Variants in RALGDS observed in about 807,000 individuals in gnomAD.
The protein encoded by RALGDS is ral guanine nucleotide dissociation stimulator.
A neutral mutation model predicts 99.8 loss-of-function variants in RALGDS; 44 were observed. The ratio of observed to expected loss-of-function variants is 0.44; its 90% CI spans 0.35 to 0.57. The LOEUF (loss-of-function observed/expected upper bound fraction) is 0.57. RALGDS is among the 20% of genes least tolerant of loss of function. RALGDS has a pLI of 0.01. For missense variants in RALGDS, 1,022 were observed against 1,203.1 expected (o/e 0.85, Z 2.23); for synonymous variants, 529 against 505.0 (o/e 1.05, Z -0.64).
chr9:133,136,318 G>T (rs533688829), intron 1 of RALGDS, among the ~76,000 whole-genome samples: 2 of 152,362 alleles, frequency 1.3e-5, no homozygotes, highest in South Asian at 2.1e-4. Context: ...GGCAGCGCGG[G>T]TATGGATGGA....
chr9:133,110,135 A>C (rs73662453), intron 3 of RALGDS, among the ~76,000 whole-genome samples, 161 bp downstream of exon 3: 13,604 of 152,244 alleles, frequency 0.089, 1,993 homozygotes, highest in African/African-American at 0.31. Context: ...CCGCCCAGGC[A>C]TGGTGACAAC....
At chr9:133,120,938 C>T (rs761939066) in intron 1 of RALGDS, 34 bp downstream of exon 1, 3 of 1,467,640 alleles carry the variant, frequency 2.0e-6, no homozygotes, top group South Asian at 1.3e-5. Flanking sequence ...GAGGCTCCGA[C>T]GCACCCCCCG....
chr9:133,102,479 C>T lies in RALGDS; in HGVS notation c.2006G>A (p.Ser669Asn). Residue 669 changes from serine (S) to asparagine (N), a missense_variant, in exon 14 of 18, where the codon AGC (serine) becomes AAC (asparagine). Physicochemically the swap from Ser to Asn is conservative, Grantham distance 46 (BLOSUM62 1). This residue lies in a region of RALGDS where 825 missense variants were observed against 994.5 expected (regional missense o/e 0.83). Coordinates refer to ENST00000372050, the MANE Select transcript of RALGDS (RefSeq NM_006266.4). ...KKNTAIVKRW[S>N]DRQAPSTELS... Reference sequence around the variant, plus strand: ...CCACCCTTGGCCAGGCCCTTACTCGCTCCAGCGCTTGACAATGGCTGTGTT... The same window carrying T: ...CCACCCTTGGCCAGGCCCTTACTCGTTCCAGCGCTTGACAATGGCTGTGTT... 1 of 1,614,056 alleles carries T rather than the reference C, an allele frequency of 6.2e-7. No individual in the cohort carries two copies. The highest frequency in any genetic ancestry group is 8.5e-7 in the Non-Finnish European group (1 of 1,179,986).
At chr9:133,107,376 T>C in intron 6 of RALGDS, 76 bp from the exon 7 acceptor site, 2 of 1,318,074 alleles carry the variant, frequency 1.5e-6, no homozygotes, top group South Asian at 2.5e-5. Flanking sequence ...AGGATGCAGC[T>C]TGAGCCTTGT....
At chr9:133,130,116 C>T (rs1465293937) in intron 1 of RALGDS, among the ~76,000 whole-genome samples, 9 of 152,298 alleles carry the variant, frequency 5.9e-5, no homozygotes, top group Admixed American at 3.3e-4. Flanking sequence ...GGACTACAGG[C>T]GCATGCCACC....
chr9:133,107,567 A>G (rs1233286090), intron 6 of RALGDS, among the ~76,000 whole-genome samples: 7 of 149,592 alleles, frequency 4.7e-5, no homozygotes, highest in Non-Finnish European at 1.0e-4. Context: ...CTCCCCATCC[A>G]GACGCACATC....
At chr9:133,129,010 C>T in intron 1 of RALGDS, 1 of 1,198,244 alleles carries the variant, frequency 8.3e-7, no homozygotes, top group Non-Finnish European at 1.1e-6. Flanking sequence ...CCTGTGAGTT[C>T]CAAACTCCTC....
rs1179018498 is a variant in RALGDS, at chr9:133,097,731, C to G, written c.*856G>C. On this transcript the variant is annotated 3_prime_UTR_variant, in exon 18 of 18. Transcript: ENST00000372050. ...TGTAATGACCAGGGTATAGTAGAAA[C>G]AGGATTTTAATATAATATTCAAGTC... The G allele has an allele frequency of 4.9e-6, 1 of 204,636 alleles. No individual in the cohort carries two copies. The highest frequency in any genetic ancestry group is 1.0e-5 in the Non-Finnish European group (1 of 99,792). The allele number at this position is 204,636 out of a possible 1,614,324, so 12.7% of individuals were successfully genotyped here.
intron 17 of RALGDS, chr9:133,099,589 C>T (rs1830651828): frequency 6.5e-6 from 1 of 154,538 alleles, no homozygotes; most frequent in Non-Finnish European, 1.4e-5. Flanking sequence ...TATATACACA[C>T]ACATATACAT....
rs1830579671 is a variant in RALGDS at position 133,097,952 on chromosome 9, G to C, written c.*635C>G. ...TGGTGAATGGCACTTGCAGTGGCAT[G>C]AGATTCAACATCGATGGGACTCAGC... is the stretch of plus-strand genomic sequence containing the variant. On this transcript the variant is annotated 3_prime_UTR_variant, in exon 18 of 18. Transcript: ENST00000372050. The C allele has an allele frequency of 8.5e-6, 2 of 234,596 alleles. No individual in the cohort carries two copies. Among genetic ancestry groups the C allele is most frequent in the Non-Finnish European group, 1.7e-5 (2 of 118,992 alleles). 14.5% of individuals were successfully genotyped at this position (234,596 alleles called of 1,614,324 possible). A position where few individuals can be genotyped will look rare whatever the true frequency, so the allele number is the denominator to read the frequency against.
chr9:133,118,759 ACTCCTGGTGG>A (rs555849969), intron 1 of RALGDS, among the ~76,000 whole-genome samples: 10 of 151,562 alleles, frequency 6.6e-5, no homozygotes, highest in Non-Finnish European at 1.2e-4. Flanking sequence ...GCTTCCTCTG[ACTCCTGGTGG>A]CTCCTGCACA....
chr9:133,108,664 C>CCT lies in RALGDS; in HGVS notation c.778+7_778+8dup, dbSNP rs1272053504. ...TTCACCCTCTGGCACCCACCCCAGTCCTCCTCACCCTCAGGCTCTGCCTCA... is the reference window on the plus strand; with the variant it reads ...TTCACCCTCTGGCACCCACCCCAGTCCTCTCCTCACCCTCAGGCTCTGCCTCA... On this transcript the variant is annotated intron_variant, in intron 5 of 17. Coordinates refer to ENST00000372050, the MANE Select transcript of RALGDS (RefSeq NM_006266.4). The CCT allele has an allele frequency of 6.2e-7, 1 of 1,613,076 alleles. No individual in the cohort carries two copies. Among genetic ancestry groups the CCT allele is most frequent in the Non-Finnish European group, 8.5e-7 (1 of 1,179,914 alleles).
rs1237587003 is a variant in RALGDS, at chr9:133,103,851, G to A, written c.1672-18C>T. ...ATGATGCCCTGTGACATTGGGGTAGGAGGATGAGCAAGGCCCCTCCCCTGA... is the reference window on the plus strand; with the variant it reads ...ATGATGCCCTGTGACATTGGGGTAGAAGGATGAGCAAGGCCCCTCCCCTGA... On this transcript the variant is annotated intron_variant, in intron 10 of 17. Transcript: ENST00000372050. 6.2e-7 allele frequency: 1 copy of A among 1,609,942 alleles called. No homozygotes were observed. The highest frequency in any genetic ancestry group is 1.1e-5 in the South Asian group (1 of 91,026).
At chr9:133,125,814 C>T (rs1832133631), upstream of RALGDS, among the ~76,000 whole-genome samples, 1 of 152,122 alleles carries the variant, frequency 6.6e-6, no homozygotes, top group Non-Finnish European at 1.5e-5. Context: ...CCAGAGAGGG[C>T]TACAAACTTC....
rs1454527691 is a variant in RALGDS, at chr9:133,106,036, G to A, written c.1518-20C>T. 1.3e-5 allele frequency: 20 copies of A among 1,596,342 alleles called. No individual in the cohort carries two copies. Among genetic ancestry groups the A allele is most frequent in the Non-Finnish European group, 1.7e-5 (20 of 1,167,212 alleles). ...CTGTCCCTGTCAGAAGGGCAAAGAA[G>A]GAAAGAGAAAGCTGGGAATGGTAGG... On this transcript the variant is annotated intron_variant, in intron 8 of 17. Coordinates refer to ENST00000372050, the MANE Select transcript of RALGDS (RefSeq NM_006266.4).
At chr9:133,116,916 G>A (rs1831637371) in intron 1 of RALGDS, among the ~76,000 whole-genome samples, 1 of 152,236 alleles carries the variant, frequency 6.6e-6, no homozygotes, top group Admixed American at 6.5e-5. Flanking sequence ...GCACAGATGT[G>A]GAGGAGGGGC....
At chr9:133,118,334 G>A (rs1461828619) in intron 1 of RALGDS, among the ~76,000 whole-genome samples, 3 of 152,232 alleles carry the variant, frequency 2.0e-5, no homozygotes, top group Non-Finnish European at 2.9e-5. Context: ...CAAACAGTGG[G>A]AAGACGCGGG....
chr9:133,118,651 C>T (rs1269183704), intron 1 of RALGDS, among the ~76,000 whole-genome samples: 1 of 152,216 alleles, frequency 6.6e-6, no homozygotes, highest in East Asian at 1.9e-4. Context: ...CTCCAGGTAG[C>T]TCTCCCCAGC....
At chr9:133,139,267 G>A (rs1315362027) in intron 1 of RALGDS, among the ~76,000 whole-genome samples, 1 of 152,248 alleles carries the variant, frequency 6.6e-6, no homozygotes, top group Non-Finnish European at 1.5e-5. Flanking sequence ...CTGCATATCT[G>A]CCAGACAGCA....
Sources: gnomAD v4.1 joint callset for allele counts (sites outside exome capture counted in the v4.1 genomes callset) on GRCh38, gnomAD v4.1.1 for gene constraint, gnomAD v4.1.1 regional missense constraint, MANE v1.5 for transcripts, NCBI Gene and HGNC (gene_info 2026-07-23, HGNC 2026-07-21) for gene names.